Variants in TCOF1 observed in about 807,000 individuals in gnomAD.
The protein encoded by TCOF1 is treacle ribosome biogenesis factor 1, also known as treacle protein.
In TCOF1, 33 loss-of-function variants were observed where a neutral mutation model predicts 149.0. That is an observed-to-expected ratio of 0.22 (90% CI 0.17 to 0.30). The LOEUF is 0.30. Ranked by LOEUF, TCOF1 falls within the 10% of genes least tolerant of loss-of-function variation. The probability of loss-of-function intolerance (pLI) is 1.00; values close to 1 mark genes in which losing one functional copy is unlikely to be tolerated. For missense variants in TCOF1, 1,728 were observed against 1,840.7 expected (o/e 0.94, Z 1.12); for synonymous variants, 789 against 738.8 (o/e 1.07, Z -1.10).
At chr5:150,393,870 G>A in intron 23 of TCOF1, 1 of 385,088 alleles carries the variant, frequency 2.6e-6, no homozygotes, top group Non-Finnish European at 5.0e-6. Flanking sequence ...TAATTAGCCG[G>A]TGTGATGGTG....
In TCOF1 at chr5:150,387,965, C is replaced by G. The variant is rs374457446; in HGVS notation, c.2923C>G (p.Pro975Ala). 6.2e-6 allele frequency: 10 copies of G among 1,613,900 alleles called. No homozygotes were observed. The African/African-American group carries it at 1.1e-4, about 17-fold the overall frequency. ...TAGTCCAGCTGGCCCAGCTGCTACACCCGCACAAGCCCAGGCTGCAAGCAC... is the reference window on the plus strand; with the variant it reads ...TAGTCCAGCTGGCCCAGCTGCTACAGCCGCACAAGCCCAGGCTGCAAGCAC... ...NRSPAGPAAT[P>A]AQAQAASTPR... The change falls in exon 18 of 27, where the codon CCC becomes GCC. Residue 975 changes from proline (P) to alanine (A), a missense_variant. This residue lies in a region of TCOF1 where 1,696 missense variants were observed against 1,765.4 expected (regional missense o/e 0.96). Coordinates refer to ENST00000643257, the MANE Select transcript of TCOF1 (RefSeq NM_001371623.1).
Position 150,379,649 on chromosome 5 carries a change from G to A in TCOF1, c.2776G>A (p.Ala926Thr), listed in dbSNP as rs757577853. The change falls in exon 17 of 27, where the codon GCA (alanine) becomes ACA (threonine). Residue 926 changes from alanine (A) to threonine (T), a missense_variant. Physicochemically the swap from Ala to Thr is moderately conservative, Grantham distance 58. Transcript: ENST00000643257. ...PGKTGPSAAQ[A>T]GKQDDSGSSS... ...GAAGACAGGGCCTTCGGCTGCCCAGGCAGGGAAGCAGGATGACTCAGGGAG... is the reference window on the plus strand; with the variant it reads ...GAAGACAGGGCCTTCGGCTGCCCAGACAGGGAAGCAGGATGACTCAGGGAG... The A allele has an allele frequency of 6.2e-7, 1 of 1,613,870 alleles. No individual in the cohort carries two copies. Among genetic ancestry groups the A allele is most frequent in the Admixed American group, 1.7e-5 (1 of 60,004 alleles).
At position 150,384,518 on chromosome 5, in the gene TCOF1, G is replaced by C. The variant is rs1352304677; in HGVS notation, c.2860-3384G>C. 13 of 985,364 alleles carry C rather than the reference G, an allele frequency of 1.3e-5. No individual in the cohort carries two copies. The East Asian group carries it at 1.4e-3, about 103-fold the overall frequency. The allele number at this position is 985,364 out of a possible 1,614,324, so 61.0% of individuals were successfully genotyped here. A position where few individuals can be genotyped will look rare whatever the true frequency, so the allele number is the denominator to read the frequency against. On this transcript the variant is annotated intron_variant, in intron 17 of 26. Coordinates refer to ENST00000643257, the MANE Select transcript of TCOF1 (RefSeq NM_001371623.1). ...GCATTGCCCTCTGGCTCTGTGTGGA[G>C]CCTTTACGAGGCCACCTGCCTCTCT...
At chr5:150,399,154 T>C (rs1188237655) in intron 26 of TCOF1, 84 bp downstream of exon 26, 4 of 1,581,512 alleles carry the variant, frequency 2.5e-6, no homozygotes, top group Admixed American at 1.7e-5. Context: ...CAGGCAGACC[T>C]GATAGGTGGG....
intron 17 of TCOF1, chr5:150,383,858 C>T: frequency 6.5e-7 from 1 of 1,549,902 alleles, no homozygotes; most frequent in East Asian, 2.4e-5. Flanking sequence ...TCAGGCTACA[C>T]CTCCAAGGGT....
chr5:150,389,979 A>G lies in TCOF1; in HGVS notation c.3139A>G (p.Ser1047Gly), dbSNP rs1365535138. The stretch of plus-strand genomic sequence containing the variant: ...TGGGGCCAGCAGCAGCAAGGAGTCC[A>G]GTCGGATATCAGATGGCAAGAAACA... ...MAGASSSKESSRISDGKKQEG... is the reference protein window; with the variant it reads ...MAGASSSKESGRISDGKKQEG... Residue 1047 changes from serine to glycine, a missense_variant, in exon 19 of 27, where the codon AGT (serine) becomes GGT (glycine). Coordinates refer to ENST00000643257, the MANE Select transcript of TCOF1 (RefSeq NM_001371623.1). The G allele has an allele frequency of 6.2e-7, 1 of 1,614,062 alleles. No individual in the cohort carries two copies. Among genetic ancestry groups the G allele is most frequent in the Admixed American group, 1.7e-5 (1 of 60,014 alleles).
Position 150,379,088 on chromosome 5 carries a change from A to T in TCOF1, c.2478+46A>T, listed in dbSNP as rs1242167107. ...CAGGAGGTGTGGAGGGTTGGGGTAG[A>T]GAGGAGGACCAGTCACTGAGCCCAG... On this transcript the variant is annotated intron_variant, in intron 15 of 26. Coordinates refer to ENST00000643257, the MANE Select transcript of TCOF1 (RefSeq NM_001371623.1). 2.5e-6 allele frequency: 4 copies of T among 1,613,690 alleles called. No homozygotes were observed. In the African/African-American group the frequency reaches 5.3e-5, roughly 22 times the overall value.
At chr5:150,364,680 T>G (rs1760917913) in intron 3 of TCOF1, among the ~76,000 whole-genome samples, 1 of 152,216 alleles carries the variant, frequency 6.6e-6, no homozygotes, top group South Asian at 2.1e-4. Flanking sequence ...ATTGTACCCA[T>G]TAGCACTGGA....
chr5:150,385,109 A>G (rs1398379850), intron 17 of TCOF1: 12 of 980,530 alleles, frequency 1.2e-5, no homozygotes, highest in African/African-American at 7.0e-5. Context: ...CTATTCCACA[A>G]TGTATATGTG....
Position 150,375,347 on chromosome 5 carries a change from C to G in TCOF1, c.1497C>G (p.Pro499=). ...LAAMNAAQVK[P]LGKSPQVKPA... ...TCCTTTGTGTCTCCCAGGTGAAGCC[C>G]TTGGGGAAAAGCCCCCAGGTGAAAC... is the stretch of plus-strand genomic sequence containing the variant. Residue 499 remains proline (P), a synonymous_variant, in exon 11 of 27, where the codon CCC becomes CCG. Coordinates refer to ENST00000643257, the MANE Select transcript of TCOF1 (RefSeq NM_001371623.1). 6.2e-7 allele frequency: 1 copy of G among 1,611,566 alleles called. No homozygotes were observed. The highest frequency in any genetic ancestry group is 1.1e-5 in the South Asian group (1 of 90,966).
chr5:150,384,243 A>G (rs903350949), intron 17 of TCOF1: 7 of 992,000 alleles, frequency 7.1e-6, no homozygotes, highest in Admixed American at 1.2e-4. Context: ...GTAAAGAACA[A>G]CCACCACCAA....
At chr5:150,391,478 C>A in intron 19 of TCOF1, 66 bp from the exon 20 acceptor site, 1 of 1,391,254 alleles carries the variant, frequency 7.2e-7, no homozygotes, top group Non-Finnish European at 1.0e-6. Flanking sequence ...AGCATCTGAC[C>A]AGGGTGTGGC....
rs1767532150 is a variant in TCOF1 at position 150,391,964 on chromosome 5, G to C, written c.3305G>C (p.Ser1102Thr). ...CTCCTTTCACCGAATTAGGTTGACA[G>C]TGCTGTGGGAACACTCCCTGCAACA... Reference protein sequence around the residue: ...ARTQPSSGVDSAVGTLPATSP... With the variant: ...ARTQPSSGVDTAVGTLPATSP... The change falls in exon 21 of 27, where the codon AGT becomes ACT. Residue 1102 changes from serine (S) to threonine (T), a missense_variant. Around this residue, in one of 2 missense-constraint regions of TCOF1, gnomAD observed 1,696 missense variants for 1,765.4 expected, o/e 0.96. Coordinates refer to ENST00000643257, the MANE Select transcript of TCOF1 (RefSeq NM_001371623.1). 1 of 1,614,056 alleles carries C rather than the reference G, an allele frequency of 6.2e-7. No homozygotes were observed. Among genetic ancestry groups the C allele is most frequent in the African/African-American group, 1.3e-5 (1 of 74,916 alleles).
chr5:150,377,376 C>T (rs977789209), intron 14 of TCOF1, among the ~76,000 whole-genome samples: 3 of 152,192 alleles, frequency 2.0e-5, no homozygotes, highest in African/African-American at 7.2e-5. Context: ...GGGAGCTGCA[C>T]ACAGCAAGTT....
At chr5:150,383,808 A>T in intron 17 of TCOF1, 1 of 1,551,662 alleles carries the variant, frequency 6.4e-7, no homozygotes, top group Non-Finnish European at 8.7e-7. Flanking sequence ...GCATACCTTC[A>T]TGTGCTCCAC....
In TCOF1 at chr5:150,376,468, C is replaced by T. The variant is rs150196623; in HGVS notation, c.2188C>T (p.Pro730Ser). ...CCTCCAGGTGAAAGCAGCCTCAGTGCCTGTCAAGGGGTCCTTGGGGCAAGG... is the reference window on the plus strand; with the variant it reads ...CCTCCAGGTGAAAGCAGCCTCAGTGTCTGTCAAGGGGTCCTTGGGGCAAGG... ...KGLQVKAASV[P>S]VKGSLGQGTA... Residue 730 changes from proline (P) to serine (S), a missense_variant, in exon 14 of 27, where the codon CCT becomes TCT. Transcript: ENST00000643257. The T allele has an allele frequency of 4.1e-4, 657 of 1,614,060 alleles. 12 individuals carry two copies. The highest frequency in any genetic ancestry group is 3.3e-4 in the Middle Eastern group (2 of 6,080).
intron 2 of TCOF1, among the ~76,000 whole-genome samples, chr5:150,362,376 A>G (rs1760324649): frequency 6.6e-6 from 1 of 152,194 alleles, no homozygotes; most frequent in Admixed American, 6.5e-5. Flanking sequence ...ACATGCAGAC[A>G]TATCCCATGA....
intron 1 of TCOF1, among the ~76,000 whole-genome samples, chr5:150,359,349 A>C (rs1343680433): frequency 6.6e-6 from 1 of 151,904 alleles, no homozygotes; most frequent in Admixed American, 6.6e-5. Flanking sequence ...TCCATCTCAA[A>C]AAAAAAAAAA....
chr5:150,365,900 C>T (rs964117881), intron 3 of TCOF1, among the ~76,000 whole-genome samples: 1 of 151,678 alleles, frequency 6.6e-6, no homozygotes, highest in Non-Finnish European at 1.5e-5. Flanking sequence ...GTAGAAGGAT[C>T]ACTTGAGCCC....
Sources: allele counts gnomAD v4.1 joint callset (sites outside exome capture counted in the v4.1 genomes callset), GRCh38; gene constraint gnomAD v4.1.1; regional missense constraint gnomAD v4.1.1; transcripts MANE v1.5; gene names NCBI Gene and HGNC (gene_info 2026-07-23, HGNC 2026-07-21).